The following MECOM variants were observed in gnomAD, a reference collection of about 807,000 sequenced individuals.
The protein encoded by MECOM is MDS1 and EVI1 complex locus, also known as histone-lysine N-methyltransferase MECOM.
In MECOM, 13 loss-of-function variants were observed where a neutral mutation model predicts 116.3. The ratio of observed to expected loss-of-function variants is 0.11; its 90% CI spans 0.07 to 0.18. The LOEUF (loss-of-function observed/expected upper bound fraction) is 0.18. Among genes scored for constraint, MECOM ranks in the 10% least tolerant of loss-of-function variants. The pLI is 1.00. For synonymous variants in MECOM, 528 were observed against 535.2 expected, an observed-to-expected ratio of 0.99 and a Z score of 0.19; for missense variants, 1,299 against 1,509.0, an observed-to-expected ratio of 0.86 and a Z score of 2.31.
intron 2 of MECOM, among the ~76,000 whole-genome samples, chr3:169,297,374 C>A (rs1715812170): frequency 6.6e-6 from 1 of 152,152 alleles, no homozygotes; most frequent in Admixed American, 6.5e-5. Flanking sequence ...TGACAAAAGA[C>A]CTTGTGTTTT....
At chr3:169,406,615 A>T (rs1465854733) in intron 1 of MECOM, among the ~76,000 whole-genome samples, 1 of 152,222 alleles carries the variant, frequency 6.6e-6, no homozygotes, top group Non-Finnish European at 1.5e-5. Context: ...CTGAAAACTT[A>T]CTATGTGCCA....
At chr3:169,434,898 C>A (rs1742384072) in intron 1 of MECOM, among the ~76,000 whole-genome samples, 8 of 152,162 alleles carry the variant, frequency 5.3e-5, no homozygotes. Flanking sequence ...TTCATTACAT[C>A]ATTTTATAGT....
At chr3:169,547,995 A>G (rs2109280947) in intron 1 of MECOM, among the ~76,000 whole-genome samples, 1 of 152,244 alleles carries the variant, frequency 6.6e-6, no homozygotes, top group Admixed American at 6.5e-5. Flanking sequence ...CCAGAACTTT[A>G]TTTACTATTT....
chr3:169,655,992 G>A (rs183637934), intron 1 of MECOM, among the ~76,000 whole-genome samples: 7 of 152,188 alleles, frequency 4.6e-5, no homozygotes, highest in African/African-American at 1.7e-4. Flanking sequence ...AACTTGAAGA[G>A]GACCTGACTT....
At chr3:169,120,896 T>C (rs1730804829) in intron 7 of MECOM, 160 bp downstream of exon 7, 1 of 624,896 alleles carries the variant, frequency 1.6e-6, no homozygotes, top group Non-Finnish European at 2.4e-6. Flanking sequence ...GATCTGATTA[T>C]AAAAGATTTA....
chr3:169,270,847 A>G (rs77244094), intron 2 of MECOM, among the ~76,000 whole-genome samples: 2,391 of 152,328 alleles, frequency 0.016, 66 homozygotes, highest in African/African-American at 0.055. Flanking sequence ...ATGGTAAAAT[A>G]TTAATCAAGA....
chr3:169,450,725 G>A (rs1046821778), intron 1 of MECOM, among the ~76,000 whole-genome samples: 4 of 152,104 alleles, frequency 2.6e-5, no homozygotes, highest in Non-Finnish European at 5.9e-5. Flanking sequence ...TTTAGTCAAC[G>A]TGGCCAATCT....
At chr3:169,411,461 A>C (rs906851698) in intron 1 of MECOM, among the ~76,000 whole-genome samples, 12 of 152,170 alleles carry the variant, frequency 7.9e-5, no homozygotes, top group African/African-American at 2.9e-4. Flanking sequence ...GCAGGTTAAA[A>C]CCCAAGGATA....
intron 2 of MECOM, among the ~76,000 whole-genome samples, chr3:169,189,582 C>T (rs1024792444): frequency 1.3e-5 from 2 of 152,006 alleles, no homozygotes; most frequent in Non-Finnish European, 2.9e-5. Context: ...AAGTAATTCA[C>T]TTATTGGCTT....
intron 1 of MECOM, among the ~76,000 whole-genome samples, chr3:169,562,778 G>A (rs1762804360): frequency 6.6e-6 from 1 of 152,026 alleles, no homozygotes; most frequent in African/African-American, 2.4e-5. Context: ...ATGCTGGTAG[G>A]GGGCTGGGTG....
At position 169,115,981 on chromosome 3, in the gene MECOM, A is replaced by C; in HGVS notation, c.1891T>G (p.Ser631Ala). Reference protein sequence around the residue: ...DKVSPLQNLASINNKKEYSNH... With the variant: ...DKVSPLQNLAAINNKKEYSNH... ...CTGTATTCTTTCTTATTATTTATTG[A>C]AGCCAGATTCTGAAGAGGGCTTACT... Residue 631 changes from serine to alanine, a missense_variant, in exon 8 of 17, where the codon TCA (serine) becomes GCA (alanine). Around this residue, in one of 6 missense-constraint regions of MECOM, gnomAD observed 238 missense variants for 273.1 expected, o/e 0.87. Coordinates refer to ENST00000651503, the MANE Select transcript of MECOM (RefSeq NM_004991.4). 6.2e-7 allele frequency: 1 copy of C among 1,614,122 alleles called. No individual in the cohort carries two copies. Among genetic ancestry groups the C allele is most frequent in the Non-Finnish European group, 8.5e-7 (1 of 1,180,024 alleles).
chr3:169,509,658 G>T (rs1365728566), intron 1 of MECOM, among the ~76,000 whole-genome samples: 1 of 152,124 alleles, frequency 6.6e-6, no homozygotes, highest in African/African-American at 2.4e-5. Flanking sequence ...ATGTTCTAAG[G>T]TTCACCCATG....
intron 1 of MECOM, among the ~76,000 whole-genome samples, chr3:169,406,317 C>T (rs969627657): frequency 6.6e-6 from 1 of 152,198 alleles, no homozygotes; most frequent in African/African-American, 2.4e-5. Flanking sequence ...CTTTTCATCT[C>T]TCTGGGAATC....
intron 2 of MECOM, among the ~76,000 whole-genome samples, chr3:169,288,827 T>A (rs1483936608): frequency 6.6e-6 from 1 of 152,218 alleles, no homozygotes; most frequent in African/African-American, 2.4e-5. Context: ...TTATCCTCAA[T>A]CACGATTGTG....
rs141130646 is a variant in MECOM at position 169,430,442 on chromosome 3, A to G, written c.38-48918T>C. On this transcript the variant is annotated intron_variant, in intron 1 of 16. Coordinates refer to ENST00000651503, the MANE Select transcript of MECOM (RefSeq NM_004991.4). ...TTTTCATTCATATTTTTAAGCCAGTAATTTTTTTCAAGTAATTTTTTAGGC... is the reference window on the plus strand; with the variant it reads ...TTTTCATTCATATTTTTAAGCCAGTGATTTTTTTCAAGTAATTTTTTAGGC... Among the ~76,000 whole-genome samples the G allele has an allele frequency of 1.9e-3, 284 of 152,310 alleles. 5 individuals carry two copies. The East Asian group carries it at 0.048, about 26-fold the overall frequency.
At chr3:169,585,933 G>T (rs543235178) in intron 1 of MECOM, among the ~76,000 whole-genome samples, 1 of 152,158 alleles carries the variant, frequency 6.6e-6, no homozygotes, top group Non-Finnish European at 1.5e-5. Flanking sequence ...TGTATCCTGG[G>T]AGGCAAATCC....
rs577614299 is a variant in MECOM, at chr3:169,530,693, A to G, written c.37+132643T>C. Among the ~76,000 whole-genome samples, 5 of 152,228 alleles carry G rather than the reference A, an allele frequency of 3.3e-5. 1 individual carries two copies. The highest frequency in any genetic ancestry group is 1.2e-4 in the African/African-American group (5 of 41,526). ...TGTTTCAATCCCAGTTCTGCTACTT[A>G]CTGACTATAGACTTGGCAATTGATT... On this transcript the variant is annotated intron_variant, in intron 1 of 16. Coordinates refer to ENST00000651503, the MANE Select transcript of MECOM (RefSeq NM_004991.4).
chr3:169,360,985 G>C (rs1008850862), intron 2 of MECOM, among the ~76,000 whole-genome samples: 4 of 151,794 alleles, frequency 2.6e-5, no homozygotes. Flanking sequence ...TCTGGCTGAA[G>C]CCTGAGGAGG....
At chr3:169,228,582 G>A (rs1051496411) in intron 2 of MECOM, among the ~76,000 whole-genome samples, 1 of 152,160 alleles carries the variant, frequency 6.6e-6, no homozygotes, top group Non-Finnish European at 1.5e-5. Flanking sequence ...AGAAATTTAT[G>A]AAGGAAATTC....
Sources: allele counts gnomAD v4.1 joint callset (sites outside exome capture counted in the v4.1 genomes callset), GRCh38; gene constraint gnomAD v4.1.1; regional missense constraint gnomAD v4.1.1; transcripts MANE v1.5; gene names NCBI Gene and HGNC (gene_info 2026-07-23, HGNC 2026-07-21).